Variants in FKTN observed in about 807,000 individuals in gnomAD.
The protein encoded by FKTN is ribitol-5-phosphate transferase FKTN.
A neutral mutation model predicts 58.6 loss-of-function variants in FKTN; 47 were observed. The ratio of observed to expected loss-of-function variants is 0.80; its 90% CI spans 0.63 to 1.02. The LOEUF is 1.02. Among genes scored for constraint, FKTN ranks in the 50% least tolerant of loss-of-function variants. The pLI is 0.00. For missense variants in FKTN, 516 were observed against 537.3 expected (o/e 0.96, Z 0.39); for synonymous variants, 178 against 191.9 (o/e 0.93, Z 0.60).
chr9:105,637,618 T>C lies in FKTN; in HGVS notation c.*2354T>C. The C allele has an allele frequency of 2.0e-6, 2 of 985,450 alleles. No homozygotes were observed. The highest frequency in any genetic ancestry group is 3.5e-5 in the African/African-American group (2 of 57,366). 61.0% of individuals were successfully genotyped at this position (985,450 alleles called of 1,614,324 possible). On this transcript the variant is annotated 3_prime_UTR_variant, in exon 11 of 11. Transcript: ENST00000357998. ...CAGTACCTCATTGGATCACTTTTCT[T>C]TCATCACTTGAGTATTCTAGCAGTC... is the stretch of plus-strand genomic sequence containing the variant.
chr9:105,639,801 A>G lies in FKTN; in HGVS notation c.*4537A>G. ...CTTGGTTAAGCAGTTGTCTCCTAATATTATCCCATATGCTACCTAGTTTGC... is the reference window on the plus strand; with the variant it reads ...CTTGGTTAAGCAGTTGTCTCCTAATGTTATCCCATATGCTACCTAGTTTGC... On this transcript the variant is annotated 3_prime_UTR_variant, in exon 11 of 11. Transcript: ENST00000357998. 1 of 1,188,428 alleles carries G rather than the reference A, an allele frequency of 8.4e-7. No individual in the cohort carries two copies. Among genetic ancestry groups the G allele is most frequent in the Non-Finnish European group, 1.0e-6 (1 of 958,278 alleles). The allele number at this position is 1,188,428 out of a possible 1,614,324, so 73.6% of individuals were successfully genotyped here. A position where few individuals can be genotyped will look rare whatever the true frequency, so the allele number is the denominator to read the frequency against.
Position 105,640,073 on chromosome 9 carries a change from C to G in FKTN, c.*4809C>G. The G allele has an allele frequency of 6.5e-7, 1 of 1,534,742 alleles. No homozygotes were observed. Among genetic ancestry groups the G allele is most frequent in the East Asian group, 2.4e-5 (1 of 40,898 alleles). On this transcript the variant is annotated 3_prime_UTR_variant, in exon 11 of 11. Transcript: ENST00000357998. ...AAAATACTCATTTCTACTTTCTGCC[C>G]TCAAATTTCTGTTTCTATCTCAACT...
intron 3 of FKTN, among the ~76,000 whole-genome samples, chr9:105,578,653 C>A (rs1267060626): frequency 5.3e-5 from 8 of 151,688 alleles, no homozygotes; most frequent in East Asian, 1.9e-4. Flanking sequence ...AGTCTCTGCC[C>A]GGCTTTGGTA....
chr9:105,628,645 C>T (rs558919342), intron 10 of FKTN, among the ~76,000 whole-genome samples: 2 of 152,202 alleles, frequency 1.3e-5, no homozygotes, highest in South Asian at 4.1e-4. Flanking sequence ...CTCATACTAG[C>T]AAGAAATGGA....
chr9:105,637,844 C>T lies in FKTN; in HGVS notation c.*2580C>T. On this transcript the variant is annotated 3_prime_UTR_variant, in exon 11 of 11. Transcript: ENST00000357998. Reference sequence around the variant, plus strand: ...GCACTTGTCCTTCTCTCCTCTGCTGCAGCTACTGATATCTGGCCCCTGGAA... The same window carrying T: ...GCACTTGTCCTTCTCTCCTCTGCTGTAGCTACTGATATCTGGCCCCTGGAA... 1.0e-6 allele frequency: 1 copy of T among 985,380 alleles called. No homozygotes were observed. The highest frequency in any genetic ancestry group is 1.2e-6 in the Non-Finnish European group (1 of 829,918). The allele number at this position is 985,380 out of a possible 1,614,324, so 61.0% of individuals were successfully genotyped here. A position where few individuals can be genotyped will look rare whatever the true frequency, so the allele number is the denominator to read the frequency against.
intron 3 of FKTN, among the ~76,000 whole-genome samples, chr9:105,580,930 C>G (rs1361564035): frequency 2.0e-5 from 2 of 101,880 alleles, no homozygotes; most frequent in African/African-American, 9.4e-5. Flanking sequence ...TCTTCCATTG[C>G]TGATACCCTT....
chr9:105,595,047 T>A (rs1381983684), intron 3 of FKTN, among the ~76,000 whole-genome samples: 3 of 152,184 alleles, frequency 2.0e-5, no homozygotes, highest in African/African-American at 7.2e-5. Flanking sequence ...GAATGAACTT[T>A]GAAAACATCA....
Position 105,640,097 on chromosome 9 carries a change from C to T in FKTN, c.*4833C>T. 6.5e-7 allele frequency: 1 copy of T among 1,535,002 alleles called. No individual in the cohort carries two copies. The highest frequency in any genetic ancestry group is 8.7e-7 in the Non-Finnish European group (1 of 1,146,316). ...CCTCAAATTTCTGTTTCTATCTCAA[C>T]TAGGCAAGAATCAGCAGGGTGCATG... is the stretch of plus-strand genomic sequence containing the variant. On this transcript the variant is annotated 3_prime_UTR_variant, in exon 11 of 11. Transcript: ENST00000357998.
At chr9:105,563,025 C>G (rs1838589974) in intron 1 of FKTN, among the ~76,000 whole-genome samples, 5 of 152,340 alleles carry the variant, frequency 3.3e-5, no homozygotes, top group Admixed American at 2.0e-4. Context: ...TTCATTCAAA[C>G]AGACCCCTAC....
At chr9:105,574,069 A>G (rs1466132186) in intron 2 of FKTN, 1 of 152,226 alleles carries the variant, frequency 6.6e-6, no homozygotes, top group East Asian at 1.9e-4. Context: ...GACCAAAATA[A>G]CTATGAGATT....
chr9:105,577,136 G>T (rs973879579), intron 3 of FKTN, among the ~76,000 whole-genome samples: 8 of 147,810 alleles, frequency 5.4e-5, no homozygotes, highest in Admixed American at 1.3e-4. Flanking sequence ...CACTCTGATG[G>T]TAGTTTCTTT....
At chr9:105,622,573 C>T (rs978206713) in intron 10 of FKTN, among the ~76,000 whole-genome samples, 16 of 151,906 alleles carry the variant, frequency 1.1e-4, no homozygotes, top group African/African-American at 3.9e-4. Context: ...GGTATTCTCA[C>T]CTCCAGTTAG....
In FKTN at chr9:105,636,587, CT is replaced by C; in HGVS notation, c.*1325del. The C allele has an allele frequency of 9.0e-7, 1 of 1,114,044 alleles. No individual in the cohort carries two copies. The allele number at this position is 1,114,044 out of a possible 1,614,324, so 69.0% of individuals were successfully genotyped here. A position where few individuals can be genotyped will look rare whatever the true frequency, so the allele number is the denominator to read the frequency against. On this transcript the variant is annotated 3_prime_UTR_variant, in exon 11 of 11. Coordinates refer to ENST00000357998, the MANE Select transcript of FKTN (RefSeq NM_001079802.2). ...AGGATGCTGTTTACCCCATCTCTCT[CT>C]TATATCACTTGAATGATATATTGTA...
At chr9:105,596,915 A>G (rs748044932) in intron 4 of FKTN, among the ~76,000 whole-genome samples, 30 of 152,220 alleles carry the variant, frequency 2.0e-4, no homozygotes, top group Non-Finnish European at 4.3e-4. Context: ...TAGTTGGCTG[A>G]TAATTTGGTA....
rs768682748 is a variant in FKTN at position 105,612,948 on chromosome 9, G to A, written c.781-2330G>A. ...CCCCTAAATTCCAGCCTGGGCAACAGAGAGAGGAGACTTTGTCTCCAAAAA... is the reference window on the plus strand; with the variant it reads ...CCCCTAAATTCCAGCCTGGGCAACAAAGAGAGGAGACTTTGTCTCCAAAAA... On this transcript the variant is annotated intron_variant, in intron 7 of 10. Coordinates refer to ENST00000357998, the MANE Select transcript of FKTN (RefSeq NM_001079802.2). Among the ~76,000 whole-genome samples, 3 of 151,988 alleles carry A rather than the reference G, an allele frequency of 2.0e-5. No homozygotes were observed. The South Asian group carries it at 6.2e-4, about 32-fold the overall frequency.
At chr9:105,595,484 CTT>C (rs1267057903) in intron 3 of FKTN, among the ~76,000 whole-genome samples, 1 of 152,156 alleles carries the variant, frequency 6.6e-6, no homozygotes, top group Non-Finnish European at 1.5e-5. Context: ...TTTGCAGTCT[CTT>C]TTCAGGTTTC....
chr9:105,601,157 A>T lies in FKTN; in HGVS notation c.178A>T (p.Lys60Ter). ...FDSTQWRAVK[K>*]FIMLTSNQNV... ...TTCTCTCAAACAGCGTGCAGTTAAA[A>T]AATTTATTATGTTAACATCCAACCA... The change falls in exon 5 of 11, where the codon AAA becomes TAA. Residue 60 changes from lysine (K) to a stop codon, truncating the protein, a stop_gained. Coordinates refer to ENST00000357998, the MANE Select transcript of FKTN (RefSeq NM_001079802.2). LOFTEE classifies it high-confidence loss of function. 6.3e-7 allele frequency: 1 copy of T among 1,599,642 alleles called. No homozygotes were observed. Among genetic ancestry groups the T allele is most frequent in the Non-Finnish European group, 8.6e-7 (1 of 1,167,754 alleles).
rs201604163 is a variant in FKTN at position 105,604,870 on chromosome 9, T to C, written c.647+378T>C. On this transcript the variant is annotated intron_variant, in intron 6 of 10. Coordinates refer to ENST00000357998, the MANE Select transcript of FKTN (RefSeq NM_001079802.2). The stretch of plus-strand genomic sequence containing the variant: ...ACTGGGGAGGCTGAGGAAGGAGAAT[T>C]GCTTGAGCCCTGGAGGTGGAGGTTG... Among the ~76,000 whole-genome samples, 81 of 151,616 alleles carry C rather than the reference T, an allele frequency of 5.3e-4. No homozygotes were observed. In the East Asian group the frequency reaches 7.4e-3, roughly 14 times the overall value.
In FKTN at chr9:105,575,028, G is replaced by C. The variant is rs185348598; in HGVS notation, c.-5G>C. The C allele has an allele frequency of 1.1e-5, 17 of 1,504,054 alleles. No homozygotes were observed. In the Admixed American group the frequency reaches 1.7e-4, roughly 15 times the overall value. 93.2% of individuals were successfully genotyped at this position (1,504,054 alleles called of 1,614,324 possible). A position where few individuals can be genotyped will look rare whatever the true frequency, so the allele number is the denominator to read the frequency against. On this transcript the variant is annotated 5_prime_UTR_variant, in exon 3 of 11. Transcript: ENST00000357998. ...AAAAGACAACCAAGTGAGCAGCACA[G>C]ACTAATGAGTAGAATCAATAAGAAC...
Sources: gnomAD v4.1 joint callset for allele counts (sites outside exome capture counted in the v4.1 genomes callset) on GRCh38, gnomAD v4.1.1 for gene constraint, MANE v1.5 for transcripts, NCBI Gene and HGNC (gene_info 2026-07-23, HGNC 2026-07-21) for gene names.